The following STXBP5L variants were observed in gnomAD, a reference collection of about 807,000 sequenced individuals.
The protein encoded by STXBP5L is syntaxin binding protein 5L, also known as syntaxin-binding protein 5-like.
In STXBP5L, 65 loss-of-function variants were observed where a neutral mutation model predicts 144.5. The ratio of observed to expected loss-of-function variants is 0.45; its 90% confidence interval spans 0.37 to 0.55. STXBP5L has a LOEUF of 0.55. Ranked by LOEUF, STXBP5L falls within the 20% of genes least tolerant of loss-of-function variation. The probability of loss-of-function intolerance (pLI) is 0.00; values close to 1 mark genes in which losing one functional copy is unlikely to be tolerated. For missense variants in STXBP5L, 1,298 were observed against 1,405.5 expected, an observed-to-expected ratio of 0.92 and a Z score of 1.22; for synonymous variants, 505 against 469.6, an observed-to-expected ratio of 1.08 and a Z score of -0.97.
At chr3:121,229,573 A>G (rs1376936496) in intron 11 of STXBP5L, among the ~76,000 whole-genome samples, 2 of 151,944 alleles carry the variant, frequency 1.3e-5, no homozygotes, top group Non-Finnish European at 2.9e-5. Flanking sequence ...TTTACTTTTT[A>G]GAGACAGGGT....
intron 20 of STXBP5L, among the ~76,000 whole-genome samples, chr3:121,377,345 TTAAAC>T (rs1349524687): frequency 2.0e-5 from 3 of 152,166 alleles, no homozygotes; most frequent in Non-Finnish European, 4.4e-5. Context: ...TGTGATCTAA[TTAAAC>T]TAAAGAGCTT....
chr3:121,043,348 G>T (rs548969867), intron 4 of STXBP5L, among the ~76,000 whole-genome samples: 29 of 152,160 alleles, frequency 1.9e-4, no homozygotes, highest in African/African-American at 6.7e-4. Flanking sequence ...GTCTCTGTTG[G>T]TGCTGTTATG....
intron 9 of STXBP5L, among the ~76,000 whole-genome samples, chr3:121,175,046 C>T (rs2046879386): frequency 1.3e-5 from 2 of 151,960 alleles, no homozygotes; most frequent in Non-Finnish European, 1.5e-5. Context: ...GTTTATCCTG[C>T]AAAGAAACTG....
intron 3 of STXBP5L, among the ~76,000 whole-genome samples, chr3:121,006,470 C>G (rs375444921): frequency 3.3e-5 from 5 of 152,156 alleles, no homozygotes; most frequent in African/African-American, 9.6e-5. Flanking sequence ...TGGGTTTCCT[C>G]AATACAGCAC....
chr3:121,353,439 A>G (rs1029276647), intron 20 of STXBP5L, among the ~76,000 whole-genome samples: 2 of 152,054 alleles, frequency 1.3e-5, no homozygotes, highest in Non-Finnish European at 2.9e-5. Flanking sequence ...GATTTTATCC[A>G]TTTCTTCTAG....
chr3:121,230,912 G>C (rs1256804122), intron 11 of STXBP5L, among the ~76,000 whole-genome samples: 1 of 152,138 alleles, frequency 6.6e-6, no homozygotes, highest in Non-Finnish European at 1.5e-5. Flanking sequence ...GAAGAGAGGA[G>C]CTAGTTGAAG....
intron 9 of STXBP5L, among the ~76,000 whole-genome samples, chr3:121,179,528 T>C (rs1346371744): frequency 1.3e-5 from 2 of 151,832 alleles, no homozygotes; most frequent in Non-Finnish European, 2.9e-5. Context: ...CAAAACAGGG[T>C]TCTCTAATAC....
chr3:120,978,179 C>A (rs552077262), intron 3 of STXBP5L, among the ~76,000 whole-genome samples: 185 of 152,330 alleles, frequency 1.2e-3, no homozygotes, highest in Non-Finnish European at 2.0e-3. Context: ...CTTTCAGATA[C>A]ACCAATCAGA....
intron 3 of STXBP5L, among the ~76,000 whole-genome samples, chr3:121,009,951 C>T (rs149420789): frequency 1.3e-3 from 205 of 151,980 alleles, no homozygotes; most frequent in African/African-American, 4.3e-3. Flanking sequence ...GGGATATTTT[C>T]AACACATCAA....
chr3:121,360,235 T>C (rs1039812880), intron 20 of STXBP5L, among the ~76,000 whole-genome samples: 2 of 151,388 alleles, frequency 1.3e-5, no homozygotes, highest in Non-Finnish European at 2.9e-5. Context: ...CTTTTTTTGG[T>C]TTCAATTGGC....
intron 3 of STXBP5L, among the ~76,000 whole-genome samples, chr3:121,012,231 G>A (rs555564039): frequency 6.6e-6 from 1 of 151,788 alleles, no homozygotes; most frequent in East Asian, 1.9e-4. Flanking sequence ...TACTTGGATT[G>A]CCTTTCTACT....
At chr3:121,012,398 C>A (rs1196569978) in intron 3 of STXBP5L, among the ~76,000 whole-genome samples, 3 of 151,764 alleles carry the variant, frequency 2.0e-5, no homozygotes. Context: ...TTATTGAATT[C>A]CAAAAAGGTT....
intron 5 of STXBP5L, among the ~76,000 whole-genome samples, chr3:121,066,898 G>A (rs1015848980): frequency 1.8e-4 from 27 of 152,050 alleles, no homozygotes; most frequent in Non-Finnish European, 1.9e-4. Context: ...AATAGGTGTA[G>A]AAATGTTCAG....
At chr3:121,147,842 G>A (rs912461471) in intron 7 of STXBP5L, among the ~76,000 whole-genome samples, 1 of 152,118 alleles carries the variant, frequency 6.6e-6, no homozygotes, top group Non-Finnish European at 1.5e-5. Flanking sequence ...AATTCTTCCT[G>A]CCTGACTGCT....
chr3:121,018,376 T>C (rs1441201773), intron 3 of STXBP5L, among the ~76,000 whole-genome samples: 1 of 151,950 alleles, frequency 6.6e-6, no homozygotes, highest in African/African-American at 2.4e-5. Context: ...AATAAATAAA[T>C]AGATCAATGA....
chr3:121,012,831 T>C (rs1189847662), intron 3 of STXBP5L, among the ~76,000 whole-genome samples: 1 of 143,890 alleles, frequency 6.9e-6, no homozygotes, highest in Non-Finnish European at 1.6e-5. Context: ...TCAACCCTTA[T>C]CCACCTTCCA....
intron 5 of STXBP5L, among the ~76,000 whole-genome samples, chr3:121,111,130 G>T (rs2043968681): frequency 6.6e-6 from 1 of 152,154 alleles, no homozygotes; most frequent in Admixed American, 6.6e-5. Flanking sequence ...CTGGTTAACA[G>T]CTCCTGTAAT....
At chr3:120,917,923 T>C (rs1466879925) in intron 2 of STXBP5L, among the ~76,000 whole-genome samples, 1 of 152,210 alleles carries the variant, frequency 6.6e-6, no homozygotes, top group Non-Finnish European at 1.5e-5. Context: ...ACAACACGAA[T>C]TTATCATCTT....
At chr3:121,029,374 C>T (rs892195330) in intron 3 of STXBP5L, among the ~76,000 whole-genome samples, 12 of 152,136 alleles carry the variant, frequency 7.9e-5, no homozygotes, top group African/African-American at 2.9e-4. Flanking sequence ...AGAAATAACA[C>T]CACACATCTA....
Sources: gnomAD v4.1 joint callset for allele counts (sites outside exome capture counted in the v4.1 genomes callset) on GRCh38, gnomAD v4.1.1 for gene constraint, MANE v1.5 for transcripts, NCBI Gene and HGNC (gene_info 2026-07-23, HGNC 2026-07-21) for gene names.